SLC9A2: variants seen among roughly 807,000 people sequenced by gnomAD.
The protein encoded by SLC9A2 is sodium/hydrogen exchanger 2.
A neutral mutation model predicts 71.7 loss-of-function variants in SLC9A2; 42 were observed. That is an observed-to-expected ratio of 0.59 (90% CI 0.46 to 0.76). The LOEUF (loss-of-function observed/expected upper bound fraction) is 0.76, where lower values mean the gene tolerates loss of function less well. Among genes scored for constraint, SLC9A2 ranks in the 30% least tolerant of loss-of-function variants. SLC9A2 has a pLI of 0.00. For missense variants in SLC9A2, 829 were observed against 1,017.4 expected (o/e 0.81, Z 2.52); for synonymous variants, 396 against 392.5 (o/e 1.01, Z -0.10).
At chr2:102,620,232 C>T (rs1024861887) in intron 1 of SLC9A2, 95 bp downstream of exon 1, 1 of 1,070,612 alleles carries the variant, frequency 9.3e-7, no homozygotes, top group Admixed American at 2.6e-5. Context: ...TAGATAGTGA[C>T]CGCCTCATCT....
At position 102,646,283 on chromosome 2, in the gene SLC9A2, A is replaced by C. The variant is rs184381520; in HGVS notation, c.290-11281A>C. ...ATTTTGTCACCACCAGCCCTGCCTT[A>C]CAAGAGCTCCTGAAGGAAGCACTAA... is the stretch of plus-strand genomic sequence containing the variant. On this transcript the variant is annotated intron_variant, in intron 1 of 11. Transcript: ENST00000233969. 7.0e-4 allele frequency among the ~76,000 whole-genome samples: 106 copies of C among 152,366 alleles called. 1 individual carries two copies. The highest frequency in any genetic ancestry group is 2.4e-3 in the African/African-American group (101 of 41,584).
chr2:102,662,825 G>A (rs1677072812), intron 2 of SLC9A2, among the ~76,000 whole-genome samples: 1 of 152,072 alleles, frequency 6.6e-6, no homozygotes, highest in Non-Finnish European at 1.5e-5. Context: ...TGAAAATGGA[G>A]TGGCAGCCTT....
At chr2:102,630,746 T>A (rs1676340480) in intron 1 of SLC9A2, among the ~76,000 whole-genome samples, 1 of 152,012 alleles carries the variant, frequency 6.6e-6, no homozygotes, top group Non-Finnish European at 1.5e-5. Flanking sequence ...ATTTAAGCTG[T>A]TTGGGCCCTT....
At chr2:102,693,979 T>A (rs1055147345) in intron 5 of SLC9A2, among the ~76,000 whole-genome samples, 1 of 152,084 alleles carries the variant, frequency 6.6e-6, no homozygotes, top group Admixed American at 6.5e-5. Flanking sequence ...ATTACTATTA[T>A]TATTATTTTG....
chr2:102,658,013 G>A lies in SLC9A2; in HGVS notation c.739G>A (p.Asp247Asn). Residue 247 changes from aspartate (D) to asparagine (N), a missense_variant, in exon 2 of 12, where the codon GAT (aspartate) becomes AAT (asparagine). Coordinates refer to ENST00000233969, the MANE Select transcript of SLC9A2 (RefSeq NM_003048.6). The part of the protein sequence containing the change: ...ILVFGESLLN[D>N]AVTVVLYNLF... ...GGTCTTTGGAGAGTCCCTGCTGAAT[G>A]ATGCAGTAACAGTGGTGAGTCACAT... The A allele has an allele frequency of 6.2e-7, 1 of 1,606,256 alleles. No individual in the cohort carries two copies. The highest frequency in any genetic ancestry group is 1.7e-4 in the Middle Eastern group (1 of 6,028).
At chr2:102,695,211 C>A in intron 7 of SLC9A2, 98 bp downstream of exon 7, 1 of 850,352 alleles carries the variant, frequency 1.2e-6, no homozygotes, top group Non-Finnish European at 2.0e-6. Flanking sequence ...GAAATCTTTC[C>A]TGTGTTGTAC....
chr2:102,640,997 C>T (rs980038809), intron 1 of SLC9A2, among the ~76,000 whole-genome samples: 2 of 152,182 alleles, frequency 1.3e-5, no homozygotes, highest in Admixed American at 6.5e-5. Flanking sequence ...TTGCTCAGGA[C>T]ATTACAAGGG....
intron 1 of SLC9A2, among the ~76,000 whole-genome samples, chr2:102,620,765 G>A (rs1676119623): frequency 6.6e-6 from 1 of 152,162 alleles, no homozygotes; most frequent in Non-Finnish European, 1.5e-5. Context: ...CTGGGCCCAG[G>A]ACAATGGCCC....
chr2:102,693,158 T>C (rs903952355), intron 5 of SLC9A2, among the ~76,000 whole-genome samples: 1 of 152,108 alleles, frequency 6.6e-6, no homozygotes, highest in Non-Finnish European at 1.5e-5. Context: ...CTGGGATGGA[T>C]TGGGCATTTT....
Position 102,709,615 on chromosome 2 carries a change from C to T in SLC9A2, c.*1126C>T, listed in dbSNP as rs1678064506. On this transcript the variant is annotated 3_prime_UTR_variant, in exon 12 of 12. Transcript: ENST00000233969. Reference sequence around the variant, plus strand: ...AGAATGTGGGAGTCCTACTGTTTTGCACTAGTCTGTAATTTGTTACCTCTC... The same window carrying T: ...AGAATGTGGGAGTCCTACTGTTTTGTACTAGTCTGTAATTTGTTACCTCTC... 1 of 152,690 alleles carries T rather than the reference C, an allele frequency of 6.5e-6. No individual in the cohort carries two copies. Among genetic ancestry groups the T allele is most frequent in the South Asian group, 2.1e-4 (1 of 4,808 alleles). 9.5% of individuals were successfully genotyped at this position (152,690 alleles called of 1,614,324 possible). A position where few individuals can be genotyped will look rare whatever the true frequency, so the allele number is the denominator to read the frequency against.
intron 1 of SLC9A2, among the ~76,000 whole-genome samples, chr2:102,654,657 A>T (rs1470449302): frequency 6.6e-6 from 1 of 152,208 alleles, no homozygotes; most frequent in African/African-American, 2.4e-5. Flanking sequence ...TCACTTTAAT[A>T]GTCATTTATC....
chr2:102,688,141 C>A (rs748161503), intron 5 of SLC9A2, among the ~76,000 whole-genome samples: 36 of 152,004 alleles, frequency 2.4e-4, no homozygotes, highest in Non-Finnish European at 4.4e-4. Context: ...CATTTTTTTC[C>A]AATATGATTG....
chr2:102,672,787 AATAT>A (rs141156865), intron 3 of SLC9A2, among the ~76,000 whole-genome samples: 1 of 151,486 alleles, frequency 6.6e-6, no homozygotes, highest in Non-Finnish European at 1.5e-5. Flanking sequence ...GGGTTGAGAT[AATAT>A]ATATATATAT....
At chr2:102,649,342 T>A (rs1676788243) in intron 1 of SLC9A2, among the ~76,000 whole-genome samples, 1 of 152,220 alleles carries the variant, frequency 6.6e-6, no homozygotes, top group Non-Finnish European at 1.5e-5. Context: ...ATTAAAGGCT[T>A]AAGTGTAAAA....
At chr2:102,680,820 G>A (rs1388415911) in intron 3 of SLC9A2, among the ~76,000 whole-genome samples, 6 of 152,094 alleles carry the variant, frequency 3.9e-5, no homozygotes, top group African/African-American at 9.7e-5. Context: ...ATAATCATAA[G>A]AGCCCTTATG....
rs1260524957 is a variant in SLC9A2, at chr2:102,710,100, G to T, written c.*1611G>T. 4 of 152,714 alleles carry T rather than the reference G, an allele frequency of 2.6e-5. 1 individual carries two copies. In the Admixed American group the frequency reaches 2.6e-4, roughly 10 times the overall value. 9.5% of individuals were successfully genotyped at this position (152,714 alleles called of 1,614,324 possible). A position where few individuals can be genotyped will look rare whatever the true frequency, so the allele number is the denominator to read the frequency against. On this transcript the variant is annotated 3_prime_UTR_variant, in exon 12 of 12. Transcript: ENST00000233969. Reference sequence around the variant, plus strand: ...TTGTTGAGCATGAGACAGAGCAAAGGTTAGATACACAAGGTACAAGTTCAT... The same window carrying T: ...TTGTTGAGCATGAGACAGAGCAAAGTTTAGATACACAAGGTACAAGTTCAT...
intron 10 of SLC9A2, 82 bp downstream of exon 10, chr2:102,704,757 TCTGCA>T: frequency 9.5e-6 from 14 of 1,471,694 alleles, no homozygotes; most frequent in Non-Finnish European, 1.2e-5. Context: ...TATCATCAGC[TCTGCA>T]GATCAAGTGG....
intron 1 of SLC9A2, among the ~76,000 whole-genome samples, chr2:102,646,789 A>ATATATATATC (rs887096663): frequency 1.2e-4 from 18 of 148,286 alleles, no homozygotes; most frequent in Middle Eastern, 3.5e-3. Flanking sequence ...ATATATATAT[A>ATATATATATC]TCTCCAATAC....
chr2:102,679,160 AG>A (rs1199524970), intron 3 of SLC9A2, among the ~76,000 whole-genome samples: 1 of 152,140 alleles, frequency 6.6e-6, no homozygotes, highest in East Asian at 1.9e-4. Flanking sequence ...GGACACTACC[AG>A]ATACTAGGGT....
Sources: allele counts gnomAD v4.1 joint callset (sites outside exome capture counted in the v4.1 genomes callset), GRCh38; gene constraint gnomAD v4.1.1; transcripts MANE v1.5; gene names NCBI Gene and HGNC (gene_info 2026-07-23, HGNC 2026-07-21).